Variants in TRPM5 observed in about 807,000 individuals in gnomAD.
The protein encoded by TRPM5 is MLSN1 and TRP-related.
A neutral mutation model predicts 124.9 loss-of-function variants in TRPM5; 121 were observed. The observed-to-expected ratio is 0.97, with a 90% CI of 0.84 to 1.13. The LOEUF is 1.13. Among genes scored for constraint, TRPM5 ranks in the 50% most tolerant of loss-of-function variants. TRPM5 has a pLI of 0.00. For missense variants in TRPM5, 1,643 were observed against 1,589.1 expected, an observed-to-expected ratio of 1.03 and a Z score of -0.58; for synonymous variants, 781 against 700.5, an observed-to-expected ratio of 1.11 and a Z score of -1.81.
intron 18 of TRPM5, among the ~76,000 whole-genome samples, chr11:2,409,698 GAT>G (rs1850403837): frequency 6.6e-6 from 1 of 152,170 alleles, no homozygotes; most frequent in Admixed American, 6.5e-5. Context: ...GAAGGGCCCA[GAT>G]ACTTGCTCGG....
In TRPM5 at chr11:2,408,353, A is replaced by G. The variant is rs192007496; in HGVS notation, c.2783-441T>C. 3.3e-3 allele frequency among the ~76,000 whole-genome samples: 501 copies of G among 152,306 alleles called. 6 individuals carry two copies. Among genetic ancestry groups the G allele is most frequent in the African/African-American group, 0.011 (464 of 41,556 alleles). Reference sequence around the variant, plus strand: ...AGGTTTGGGGAGAGCTGCCGAGGAAAGGGAGATGGGGCCCAGGACTTCTCA... The same window carrying G: ...AGGTTTGGGGAGAGCTGCCGAGGAAGGGGAGATGGGGCCCAGGACTTCTCA... On this transcript the variant is annotated intron_variant, in intron 18 of 23. Transcript: ENST00000155858.
intron 18 of TRPM5, among the ~76,000 whole-genome samples, chr11:2,409,434 C>T (rs1043478205): frequency 2.6e-5 from 4 of 152,176 alleles, no homozygotes; most frequent in South Asian, 2.1e-4. Context: ...GCCACCAGGC[C>T]GGGCTGGAAA....
chr11:2,421,975 G>A (rs897716023), intron 2 of TRPM5, among the ~76,000 whole-genome samples, 166 bp downstream of exon 7: 1 of 151,656 alleles, frequency 6.6e-6, no homozygotes, highest in African/African-American at 2.4e-5. Context: ...AGGGGGTCTG[G>A]CTGCCGTGTG....
chr11:2,405,070 CGGTGGGAACCAG>C (rs1850286391), intron 23 of TRPM5, 27 bp from the exon 29 acceptor site: 1 of 1,593,160 alleles, frequency 6.3e-7, no homozygotes, highest in Admixed American at 1.7e-5. Context: ...CCCCCCTGAG[CGGTGGGAACCAG>C]CAAGGCAGGC....
downstream of TRPM5, among the ~76,000 whole-genome samples, chr11:2,404,251 G>A (rs971599747): frequency 1.3e-5 from 2 of 152,324 alleles, no homozygotes; most frequent in African/African-American, 4.8e-5. Context: ...GGCCTGGGCA[G>A]GTGTTTGAGC....
the TRPM5 span, among the ~76,000 whole-genome samples, chr11:2,432,509 T>C: frequency 2.0e-5 from 3 of 152,146 alleles, no homozygotes; most frequent in African/African-American, 7.2e-5. Context: ...GCCCACAGGC[T>C]CAGAAGCTGA....
exon 7 of TRPM5, chr11:2,417,781 C>T (rs767183138): frequency 2.4e-5 from 39 of 1,599,636 alleles, no homozygotes; most frequent in South Asian, 1.7e-4. Flanking sequence ...CCCTCCTGCT[C>T]GAAGTCATAC....
At position 2,415,464 on chromosome 11, in the gene TRPM5, T is replaced by C. The variant is rs780161341; in HGVS notation, c.1136A>G (p.Asp379Gly). Residue 379 changes from aspartate to glycine, a missense_variant, in exon 9 of 24, where the codon GAC (aspartate) becomes GGC (glycine). Asp to Gly is a moderately conservative substitution (Grantham distance 94). Transcript: ENST00000155858. ...GGCGTCCACCATCACCTCCTCCAGG[T>C]CACAGGACTTGGCGGCCATGGGCAC... 3.6e-5 allele frequency: 57 copies of C among 1,565,924 alleles called. No homozygotes were observed. Among genetic ancestry groups the C allele is most frequent in the Non-Finnish European group, 4.7e-5 (54 of 1,160,890 alleles).
intron 16 of TRPM5, 35 bp downstream of exon 21, chr11:2,412,100 G>C: frequency 1.9e-6 from 3 of 1,571,826 alleles, no homozygotes. Context: ...CCCACAAGCC[G>C]CCCTGAGGCC....
chr11:2,411,749 A>T, exon 17 of TRPM5: 1 of 1,612,488 alleles, frequency 6.2e-7, no homozygotes, highest in Non-Finnish European at 8.5e-7. Flanking sequence ...GGCCAGCCTC[A>T]AACGCCGACG....
At chr11:2,418,683 A>G in intron 4 of TRPM5, 92 bp from the exon 10 acceptor site, 1 of 1,309,142 alleles carries the variant, frequency 7.6e-7, no homozygotes, top group Non-Finnish European at 1.1e-6. Flanking sequence ...TTTCTGGCCA[A>G]AAGCTGGCTC....
chr11:2,425,663 C>T (rs574584345), upstream of TRPM5, among the ~76,000 whole-genome samples: 152 of 152,028 alleles, frequency 1.0e-3, 1 homozygote, highest in Middle Eastern at 3.4e-3. Context: ...TCAGGCTGGC[C>T]TTCACTCCCA....
chr11:2,439,807 C>T, the TRPM5 span, among the ~76,000 whole-genome samples: 3 of 152,144 alleles, frequency 2.0e-5, no homozygotes, highest in African/African-American at 7.2e-5. Flanking sequence ...TCCATTTGAC[C>T]CAGCAATTCC....
chr11:2,420,236 C>T (rs777776161), exon 4 of TRPM5: 1 of 1,604,528 alleles, frequency 6.2e-7, no homozygotes, highest in Non-Finnish European at 8.5e-7. Context: ...GTAGCCCGCC[C>T]TCTGCTCCGA....
intron 11 of TRPM5, 142 bp from the exon 17 acceptor site, chr11:2,414,348 C>T (rs926128309): frequency 4.9e-6 from 6 of 1,229,308 alleles, no homozygotes; most frequent in East Asian, 5.2e-5. Flanking sequence ...AGGCCTTCTG[C>T]CCCCTCCGGC....
At chr11:2,410,595 C>T (rs181706534) in intron 18 of TRPM5, 3 of 430,500 alleles carry the variant, frequency 7.0e-6, no homozygotes, top group Non-Finnish European at 1.4e-5. Context: ...AGGTCCCTGC[C>T]CCACCCCAGA....
exon 14 of TRPM5, chr11:2,413,202 G>C (rs377552393): frequency 1.9e-6 from 3 of 1,550,486 alleles, no homozygotes; most frequent in Non-Finnish European, 2.6e-6. Context: ...GGTCCTCCAG[G>C]CCTGTCCTCA....
chr11:2,441,510 T>TC, the TRPM5 span, among the ~76,000 whole-genome samples: 1 of 147,378 alleles, frequency 6.8e-6, no homozygotes, highest in African/African-American at 2.5e-5. The surrounding 1 kb of genome is among the most constrained non-coding windows in gnomAD (Gnocchi z 7.2). Flanking sequence ...TCCCCACCCA[T>TC]CCCCCTTCAG....
At chr11:2,417,075 A>C (rs929809244) in intron 7 of TRPM5, among the ~76,000 whole-genome samples, 1 of 152,156 alleles carries the variant, frequency 6.6e-6, no homozygotes, top group Non-Finnish European at 1.5e-5. Flanking sequence ...GTGAGTGCCA[A>C]GGGGTATGGG....
Sources: allele counts gnomAD v4.1 joint callset (sites outside exome capture counted in the v4.1 genomes callset), GRCh38; gene constraint gnomAD v4.1.1; non-coding constraint Gnocchi (gnomAD v3.1); transcripts MANE v1.5; gene names NCBI Gene and HGNC (gene_info 2026-07-23, HGNC 2026-07-21).